BLTP1: variants seen among roughly 807,000 people sequenced by gnomAD.
BLTP1 encodes fragile site-associated protein.
At chr4:122,255,295 A>C in the BLTP1 span, 12 of 1,555,292 alleles carry the variant, frequency 7.7e-6, no homozygotes, top group Non-Finnish European at 9.7e-6. Context: ...TAAGTTACTG[A>C]AACTACATTA....
the BLTP1 span, among the ~76,000 whole-genome samples, chr4:122,178,997 G>A: frequency 6.6e-6 from 1 of 152,176 alleles, no homozygotes; most frequent in Non-Finnish European, 1.5e-5. Context: ...CACCTTTTGA[G>A]GCAAGGCATG....
the BLTP1 span, among the ~76,000 whole-genome samples, chr4:122,361,376 G>T: frequency 6.6e-6 from 1 of 152,136 alleles, no homozygotes; most frequent in Admixed American, 6.5e-5. Flanking sequence ...GCAGCTCTAT[G>T]TATGTACTCA....
At chr4:122,353,485 A>G in the BLTP1 span, among the ~76,000 whole-genome samples, 1 of 152,214 alleles carries the variant, frequency 6.6e-6, no homozygotes, top group Non-Finnish European at 1.5e-5. This position sits in a 1 kb window ranked among gnomAD's most constrained non-coding sequence, Gnocchi z 4.3. Context: ...AGTCAAGACT[A>G]TATTATAAAA....
chr4:122,155,408 C>G, the BLTP1 span, among the ~76,000 whole-genome samples: 2 of 151,470 alleles, frequency 1.3e-5, no homozygotes, highest in African/African-American at 4.9e-5. Flanking sequence ...ACTGCAACCT[C>G]TGCCTCCTGG....
the BLTP1 span, chr4:122,270,266 T>G: frequency 6.7e-6 from 4 of 594,360 alleles, no homozygotes; most frequent in Non-Finnish European, 8.5e-6. Context: ...TCAAAGCAGC[T>G]TCTGATTTTT....
At chr4:122,299,976 C>T in the BLTP1 span, 1 of 960,920 alleles carries the variant, frequency 1.0e-6, no homozygotes, top group Non-Finnish European at 1.2e-6. Context: ...TCTACAAAGA[C>T]ACATATAGTT....
At chr4:122,347,833 CTTAG>C in the BLTP1 span, 20 of 1,294,026 alleles carry the variant, frequency 1.5e-5, no homozygotes, top group Admixed American at 4.2e-5. Flanking sequence ...AGGATAAAAT[CTTAG>C]TTACTCTCAG....
the BLTP1 span, among the ~76,000 whole-genome samples, chr4:122,253,486 T>C: frequency 2.6e-5 from 4 of 151,802 alleles, no homozygotes; most frequent in East Asian, 1.9e-4. Context: ...AATTCTAGAG[T>C]TGAAAAATCC....
the BLTP1 span, among the ~76,000 whole-genome samples, chr4:122,330,685 T>C: frequency 1.3e-5 from 2 of 152,048 alleles, no homozygotes; most frequent in South Asian, 4.1e-4. Context: ...CCCTATTGTT[T>C]CCATTGCTTT....
the BLTP1 span, among the ~76,000 whole-genome samples, chr4:122,177,368 C>CT: frequency 6.6e-6 from 1 of 152,294 alleles, no homozygotes; most frequent in African/African-American, 2.4e-5. Context: ...CACATAGTCT[C>CT]TTAACTAGTC....
chr4:122,331,511 T>G, the BLTP1 span: 2 of 1,611,310 alleles, frequency 1.2e-6, no homozygotes, highest in Non-Finnish European at 1.7e-6. Context: ...ACCACCCTTC[T>G]ACAAGAACAT....
the BLTP1 span, among the ~76,000 whole-genome samples, chr4:122,198,722 A>G: frequency 6.6e-6 from 1 of 152,130 alleles, no homozygotes; most frequent in South Asian, 2.1e-4. Flanking sequence ...CAACTGGCAA[A>G]GAGAAAATGG....
the BLTP1 span, chr4:122,344,674 A>T: frequency 6.2e-6 from 7 of 1,132,690 alleles, no homozygotes; most frequent in South Asian, 1.1e-4. Context: ...TTTCAGTGAT[A>T]AGTTGATATA....
chr4:122,229,156 T>C, the BLTP1 span: 4 of 1,608,610 alleles, frequency 2.5e-6, no homozygotes, highest in Non-Finnish European at 3.4e-6. Flanking sequence ...CAACTTCAGA[T>C]GATTTGAAAT....
chr4:122,328,500 A>T, the BLTP1 span: 1 of 772,142 alleles, frequency 1.3e-6, no homozygotes. Flanking sequence ...TTAAAATAAA[A>T]TTTATTTTAA....
chr4:122,169,263 T>C, the BLTP1 span, among the ~76,000 whole-genome samples: 1 of 152,204 alleles, frequency 6.6e-6, no homozygotes, highest in Non-Finnish European at 1.5e-5. Context: ...TTTAAACTTG[T>C]TTTGTGATGT....
At chr4:122,334,054 A>C in the BLTP1 span, among the ~76,000 whole-genome samples, 1 of 152,064 alleles carries the variant, frequency 6.6e-6, no homozygotes, top group African/African-American at 2.4e-5. Flanking sequence ...TTCGTAACAA[A>C]CTTGCTAAAC....
the BLTP1 span, chr4:122,200,554 G>A: frequency 5.2e-6 from 5 of 959,082 alleles, no homozygotes; most frequent in Non-Finnish European, 6.1e-6. Flanking sequence ...ACTCCAGCTT[G>A]GGCAATAGAG....
At chr4:122,318,209 C>T in the BLTP1 span, 1 of 1,611,340 alleles carries the variant, frequency 6.2e-7, no homozygotes, top group Non-Finnish European at 8.5e-7. Context: ...CAGTTAGAAT[C>T]TGTGGCTGTG....
Sources: allele counts gnomAD v4.1 joint callset (sites outside exome capture counted in the v4.1 genomes callset), GRCh38; gene constraint gnomAD v4.1.1; non-coding constraint Gnocchi (gnomAD v3.1); transcripts MANE v1.5; gene names NCBI Gene and HGNC (gene_info 2026-07-23, HGNC 2026-07-21).